NDRG1: variants seen among roughly 807,000 people sequenced by gnomAD.
NDRG1 encodes the protein N-myc downstream regulated 1, also known as protein NDRG1.
Under a neutral mutation model 56.9 loss-of-function variants are expected in NDRG1, and 32 were observed. That is an observed-to-expected ratio of 0.56 (90% CI 0.42 to 0.76). NDRG1 has a LOEUF of 0.76. Ranked by LOEUF, NDRG1 falls within the 30% of genes least tolerant of loss-of-function variation. The probability of loss-of-function intolerance (pLI) is 0.00; values close to 1 mark genes in which losing one functional copy is unlikely to be tolerated. For missense variants in NDRG1, 507 were observed against 545.7 expected (o/e 0.93, Z 0.71); for synonymous variants, 211 against 204.1 (o/e 1.03, Z -0.29).
intron 1 of NDRG1, among the ~76,000 whole-genome samples, chr8:133,287,034 C>T (rs1290967862): frequency 6.6e-6 from 1 of 152,170 alleles, no homozygotes; most frequent in Non-Finnish European, 1.5e-5. Flanking sequence ...GCTCCCTCAC[C>T]TCAGTTCTCC....
intron 15 of NDRG1, chr8:133,239,797 G>T (rs938290484): frequency 7.2e-5 from 11 of 153,476 alleles, no homozygotes; most frequent in African/African-American, 1.9e-4. Flanking sequence ...CCTGTACCGG[G>T]TGGGACAGTG....
chr8:133,295,766 TA>T (rs1563647467), intron 1 of NDRG1, among the ~76,000 whole-genome samples: 1 of 152,120 alleles, frequency 6.6e-6, no homozygotes, highest in Non-Finnish European at 1.5e-5. Context: ...AGCTGATGGG[TA>T]TTATAAGGAT....
At position 133,247,919 on chromosome 8, in the gene NDRG1, C is replaced by T. The variant is rs768796169; in HGVS notation, c.763G>A (p.Ala255Thr). 6.2e-7 allele frequency: 1 copy of T among 1,613,978 alleles called. No individual in the cohort carries two copies. The highest frequency in any genetic ancestry group is 8.5e-7 in the Non-Finnish European group (1 of 1,180,008). ...GAGCTGTCCCCAACCACCAACAGAG[C>T]AGGGCACCTGGGGTCAGGGATAGAG... ...GTHTVTLQCP[A>T]LLVVGDSSPA... Residue 255 changes from alanine (A) to threonine (T), a missense_variant, in exon 12 of 16, where the codon GCT becomes ACT. Coordinates refer to ENST00000323851, the MANE Select transcript of NDRG1 (RefSeq NM_006096.4).
intron 8 of NDRG1, 186 bp from the exon 9 acceptor site, chr8:133,254,781 C>T: frequency 1.5e-6 from 1 of 652,700 alleles, no homozygotes; most frequent in Non-Finnish European, 2.8e-6. Flanking sequence ...ACCTGATCCC[C>T]CAAATGCAGG....
chr8:133,254,858 T>C (rs1856284108), intron 8 of NDRG1: 1 of 515,206 alleles, frequency 1.9e-6, no homozygotes, highest in Non-Finnish European at 3.5e-6. Context: ...AAATAAGTGC[T>C]GAATAAAGAC....
chr8:133,279,082 G>A (rs540336002), intron 3 of NDRG1, among the ~76,000 whole-genome samples: 59 of 152,216 alleles, frequency 3.9e-4, no homozygotes, highest in African/African-American at 1.4e-3. Flanking sequence ...TAGAGACAGG[G>A]TTTCTCCTTG....
intron 3 of NDRG1, among the ~76,000 whole-genome samples, chr8:133,268,778 G>C (rs906346959): frequency 6.6e-6 from 1 of 151,950 alleles, no homozygotes; most frequent in Non-Finnish European, 1.5e-5. Context: ...CCTCCACTCA[G>C]TTCCTGGCCC....
At chr8:133,246,882 G>C (rs1266856134) in intron 12 of NDRG1, among the ~76,000 whole-genome samples, 6 of 152,134 alleles carry the variant, frequency 3.9e-5, no homozygotes, top group Non-Finnish European at 2.9e-5. Context: ...TAACTTCTTT[G>C]GGCCTCAGTT....
At chr8:133,289,437 G>A (rs547859983) in intron 1 of NDRG1, among the ~76,000 whole-genome samples, 1 of 152,274 alleles carries the variant, frequency 6.6e-6, no homozygotes, top group South Asian at 2.1e-4. Context: ...CGAGGAGAGG[G>A]ACACATGGAA....
intron 2 of NDRG1, among the ~76,000 whole-genome samples, chr8:133,282,928 T>C (rs1009797789): frequency 6.6e-6 from 1 of 152,220 alleles, no homozygotes; most frequent in Non-Finnish European, 1.5e-5. Flanking sequence ...ACTTGACCAA[T>C]CCCCTTCCTG....
intron 9 of NDRG1, among the ~76,000 whole-genome samples, chr8:133,252,880 T>C (rs1856150225): frequency 6.6e-6 from 1 of 151,490 alleles, no homozygotes; most frequent in South Asian, 2.1e-4. Flanking sequence ...ATTGCCCTCG[T>C]ACACTCGTCA....
rs750558195 is a variant in NDRG1, at chr8:133,242,089, G to C, written c.892-15C>G. ...AGCTTGGCCGGCTGCGAGAGACAAG[G>C]AGAGAAAATGCAGTCAGTTGCTGGG... On this transcript the variant is annotated splice_polypyrimidine_tract_variant and intron_variant, in intron 14 of 15. Transcript: ENST00000323851. 2.5e-6 allele frequency: 4 copies of C among 1,614,212 alleles called. No homozygotes were observed. The Admixed American group carries it at 5.0e-5, about 20-fold the overall frequency.
In NDRG1 at chr8:133,239,046, G is replaced by C. The variant is rs755593177; in HGVS notation, c.1017C>G (p.Gly339=). 6.3e-7 allele frequency: 1 copy of C among 1,594,450 alleles called. No individual in the cohort carries two copies. Among genetic ancestry groups the C allele is most frequent in the South Asian group, 1.1e-5 (1 of 87,586 alleles). ...ASGSSVTSLD[G]TRSRSHTSEG... ...CGCTGGTGTGGGAGCGGCTGCGGGTGCCATCCAGAGAAGTGACGCTGGAAC... is the reference window on the plus strand; with the variant it reads ...CGCTGGTGTGGGAGCGGCTGCGGGTCCCATCCAGAGAAGTGACGCTGGAAC... Residue 339 remains glycine (G), a synonymous_variant, in exon 16 of 16, where the codon GGC becomes GGG. Coordinates refer to ENST00000323851, the MANE Select transcript of NDRG1 (RefSeq NM_006096.4).
intron 15 of NDRG1, chr8:133,241,477 C>T (rs75295935): frequency 9.6e-4 from 163 of 169,242 alleles, no homozygotes; most frequent in African/African-American, 3.7e-3. Context: ...TTGTTAGCCA[C>T]TTCCACAGAG....
At chr8:133,289,611 C>T (rs1193930231) in intron 1 of NDRG1, among the ~76,000 whole-genome samples, 1 of 152,210 alleles carries the variant, frequency 6.6e-6, no homozygotes, top group Non-Finnish European at 1.5e-5. Flanking sequence ...CAGAGGAGAG[C>T]TGGATCACAG....
chr8:133,287,495 C>T (rs537552804), intron 1 of NDRG1, among the ~76,000 whole-genome samples: 1 of 152,364 alleles, frequency 6.6e-6, no homozygotes, highest in African/African-American at 2.4e-5. Flanking sequence ...TTCCTGCCCC[C>T]ACGGAGCTCA....
rs898767064 is a variant in NDRG1 at position 133,279,342 on chromosome 8, C to T, written c.99+890G>A. On this transcript the variant is annotated intron_variant, in intron 3 of 15. Coordinates refer to ENST00000323851, the MANE Select transcript of NDRG1 (RefSeq NM_006096.4). ...CCCTCTCCCATCCTTTCCTTTCCTT[C>T]CAAAGACAGTGCAAGATTCCTCGCC... Among the ~76,000 whole-genome samples the T allele has an allele frequency of 2.0e-5, 3 of 152,226 alleles. 1 individual carries two copies. The South Asian group carries it at 6.2e-4, about 31-fold the overall frequency.
At chr8:133,254,283 TG>T (rs1856245094) in intron 9 of NDRG1, among the ~76,000 whole-genome samples, 1 of 152,256 alleles carries the variant, frequency 6.6e-6, no homozygotes, top group Non-Finnish European at 1.5e-5. Flanking sequence ...TGTATATGCA[TG>T]TCAATTGTAC....
intron 1 of NDRG1, among the ~76,000 whole-genome samples, chr8:133,294,906 C>T (rs1158873433): frequency 6.6e-6 from 1 of 152,220 alleles, no homozygotes; most frequent in African/African-American, 2.4e-5. Context: ...GGAACCCTTT[C>T]CACTGCCTTC....
Sources: gnomAD v4.1 joint callset for allele counts (sites outside exome capture counted in the v4.1 genomes callset) on GRCh38, gnomAD v4.1.1 for gene constraint, MANE v1.5 for transcripts, NCBI Gene and HGNC (gene_info 2026-07-23, HGNC 2026-07-21) for gene names.